SCN9A: variants seen among roughly 807,000 people sequenced by gnomAD.
SCN9A encodes sodium channel protein type 9 subunit alpha.
A neutral mutation model predicts 187.0 loss-of-function variants in SCN9A; 131 were observed. The observed-to-expected ratio is 0.70, with a 90% CI of 0.61 to 0.81. The LOEUF is 0.81. Among genes scored for constraint, SCN9A ranks in the 30% least tolerant of loss-of-function variants. The pLI is 0.00. For missense variants in SCN9A, 2,252 were observed against 2,396.6 expected (o/e 0.94, Z 1.26); for synonymous variants, 809 against 808.6 (o/e 1.00, Z -0.01).
chr2:166,340,541 CCTTTCTTTCTTTCTTT>C (rs201511761), intron 1 of SCN9A, among the ~76,000 whole-genome samples: 1,511 of 67,716 alleles, frequency 0.022, 29 homozygotes, highest in South Asian at 0.054. Flanking sequence ...CTTTTCTTTC[CCTTTCTTTCTTTCTTT>C]CTTTCTTTCT....
At chr2:166,346,638 A>G (rs1290314818) in intron 1 of SCN9A, among the ~76,000 whole-genome samples, 1 of 152,158 alleles carries the variant, frequency 6.6e-6, no homozygotes, top group African/African-American at 2.4e-5. Context: ...AACCAAGCAC[A>G]TTAGTGACCT....
At chr2:166,239,221 TCAAAAA>T (rs1695457834) in intron 19 of SCN9A, among the ~76,000 whole-genome samples, 1 of 130,080 alleles carries the variant, frequency 7.7e-6, no homozygotes. Context: ...AGACTCTGTC[TCAAAAA>T]AAAAAAAAAA....
chr2:166,369,067 C>T (rs1700489517), intron 1 of SCN9A, among the ~76,000 whole-genome samples: 1 of 151,776 alleles, frequency 6.6e-6, no homozygotes, highest in East Asian at 1.9e-4. Flanking sequence ...AACATCTACT[C>T]ATATCTACTT....
intron 1 of SCN9A, among the ~76,000 whole-genome samples, chr2:166,350,943 CT>C (rs998431427): frequency 1.3e-5 from 2 of 152,046 alleles, no homozygotes; most frequent in East Asian, 1.9e-4. Flanking sequence ...TTGACGGTGA[CT>C]TTTTTTATAA....
intron 1 of SCN9A, among the ~76,000 whole-genome samples, chr2:166,356,060 T>G (rs943969337): frequency 6.6e-6 from 1 of 152,162 alleles, no homozygotes; most frequent in African/African-American, 2.4e-5. Context: ...CGTGAGCCAC[T>G]GCGCCTGGCC....
intron 18 of SCN9A, among the ~76,000 whole-genome samples, chr2:166,245,806 G>A (rs1330122870): frequency 1.3e-5 from 2 of 151,916 alleles, no homozygotes; most frequent in Non-Finnish European, 2.9e-5. Context: ...TCATTAACAA[G>A]TATTGAGTTT....
At chr2:166,207,619 T>C (rs1461198982) in intron 24 of SCN9A, among the ~76,000 whole-genome samples, 1 of 152,124 alleles carries the variant, frequency 6.6e-6, no homozygotes, top group Non-Finnish European at 1.5e-5. Flanking sequence ...TTTTGTATTT[T>C]TAGTAGAGAC....
intron 1 of SCN9A, among the ~76,000 whole-genome samples, chr2:166,367,990 G>T (rs1371885970): frequency 6.6e-6 from 1 of 152,140 alleles, no homozygotes; most frequent in African/African-American, 2.4e-5. Flanking sequence ...CTCCATTAAG[G>T]GTTAAACATA....
At chr2:166,200,142 C>T (rs994744579) in intron 26 of SCN9A, among the ~76,000 whole-genome samples, 2 of 147,728 alleles carry the variant, frequency 1.4e-5, no homozygotes, top group South Asian at 2.2e-4. Flanking sequence ...GGACTACAGG[C>T]GCCCGCTACC....
chr2:166,224,805 A>G (rs1694776684), intron 24 of SCN9A, among the ~76,000 whole-genome samples: 1 of 152,146 alleles, frequency 6.6e-6, no homozygotes, highest in Non-Finnish European at 1.5e-5. Context: ...CAGTCTCTAG[A>G]AAAAGCAATT....
intron 1 of SCN9A, among the ~76,000 whole-genome samples, chr2:166,357,982 A>G (rs537945859): frequency 1.0e-5 from 1 of 99,066 alleles, no homozygotes; most frequent in East Asian, 2.1e-4. Context: ...TCAATAAAGT[A>G]TTTCATAAAT....
intron 24 of SCN9A, among the ~76,000 whole-genome samples, chr2:166,210,967 A>G (rs1694063779): frequency 6.6e-6 from 1 of 152,110 alleles, no homozygotes. Context: ...AGGCTGAGGC[A>G]GAGAGAATTG....
At chr2:166,256,418 AT>A (rs1696277753) in intron 17 of SCN9A, among the ~76,000 whole-genome samples, 1 of 151,348 alleles carries the variant, frequency 6.6e-6, no homozygotes, top group South Asian at 2.1e-4. Flanking sequence ...AAGCTCAGGA[AT>A]TTCAGGAAAA....
chr2:166,338,776 T>C (rs916343388), intron 1 of SCN9A, among the ~76,000 whole-genome samples: 3 of 152,178 alleles, frequency 2.0e-5, no homozygotes, highest in African/African-American at 4.8e-5. Context: ...TACAAATCAG[T>C]TATTTTGTAG....
intron 1 of SCN9A, among the ~76,000 whole-genome samples, chr2:166,370,561 A>T (rs571269005): frequency 1.3e-3 from 191 of 151,938 alleles, no homozygotes; most frequent in African/African-American, 4.3e-3. Flanking sequence ...AAAAAATAAA[A>T]AAAAAAAAGA....
rs1329518583 is a variant in SCN9A at position 166,197,011 on chromosome 2, G to T, written c.*1661C>A. On this transcript the variant is annotated 3_prime_UTR_variant, in exon 27 of 27. Coordinates refer to ENST00000642356, the MANE Select transcript of SCN9A (RefSeq NM_001365536.1). The stretch of plus-strand genomic sequence containing the variant: ...TTTAAATCCTCTTTCTTTTTAAATT[G>T]CCAGAACAACAAAAAATATGTGCTT... 6.6e-6 allele frequency: 1 copy of T among 151,686 alleles called. No homozygotes were observed. Among genetic ancestry groups the T allele is most frequent in the Non-Finnish European group, 1.5e-5 (1 of 67,882 alleles). The allele number at this position is 151,686 out of a possible 1,614,324, so 9.4% of individuals were successfully genotyped here. A position where few individuals can be genotyped will look rare whatever the true frequency, so the allele number is the denominator to read the frequency against.
chr2:166,350,740 G>A (rs1323740697), intron 1 of SCN9A, among the ~76,000 whole-genome samples: 1 of 151,954 alleles, frequency 6.6e-6, no homozygotes, highest in African/African-American at 2.4e-5. Flanking sequence ...CTTGCCCACT[G>A]GTGATCACCA....
chr2:166,216,272 A>G (rs1170345822), intron 24 of SCN9A, among the ~76,000 whole-genome samples: 1 of 152,122 alleles, frequency 6.6e-6, no homozygotes, highest in Non-Finnish European at 1.5e-5. Flanking sequence ...CCCACGGCTA[A>G]CATTATGCAA....
intron 17 of SCN9A, among the ~76,000 whole-genome samples, chr2:166,265,421 T>C (rs1574832280): frequency 6.6e-6 from 1 of 152,020 alleles, no homozygotes; most frequent in African/African-American, 2.4e-5. Flanking sequence ...ATTTTTCTTA[T>C]GTACATTTTC....
Sources: gnomAD v4.1 joint callset for allele counts (sites outside exome capture counted in the v4.1 genomes callset) on GRCh38, gnomAD v4.1.1 for gene constraint, MANE v1.5 for transcripts, NCBI Gene and HGNC (gene_info 2026-07-23, HGNC 2026-07-21) for gene names.